Variants in PDILT observed in about 807,000 individuals in gnomAD.
PDILT encodes the protein protein disulfide isomerase like, testis expressed, also known as protein disulfide-isomerase-like protein of the testis.
A neutral mutation model predicts 53.7 loss-of-function variants in PDILT; 43 were observed. The ratio of observed to expected loss-of-function variants is 0.80; its 90% CI spans 0.63 to 1.03. The LOEUF (loss-of-function observed/expected upper bound fraction) is 1.03. Among genes scored for constraint, PDILT ranks in the 50% least tolerant of loss-of-function variants. The pLI, the probability that PDILT is intolerant of heterozygous loss-of-function variation, is 0.00. For missense variants in PDILT, 727 were observed against 712.3 expected (o/e 1.02, Z -0.24); for synonymous variants, 282 against 274.2 (o/e 1.03, Z -0.28).
At chr16:20,373,849 T>G (rs113615015) in intron 5 of PDILT, among the ~76,000 whole-genome samples, 2 of 152,272 alleles carry the variant, frequency 1.3e-5, no homozygotes, top group African/African-American at 4.8e-5. Context: ...GAGCCTACTC[T>G]GGCTTGGGAG....
intron 3 of PDILT, among the ~76,000 whole-genome samples, chr16:20,377,360 A>G (rs146536058): frequency 1.3e-4 from 20 of 152,248 alleles, no homozygotes; most frequent in South Asian, 6.2e-4. Flanking sequence ...TCATTTACGC[A>G]CTCATTTATT....
intron 3 of PDILT, among the ~76,000 whole-genome samples, chr16:20,380,085 A>C (rs1216398718): frequency 6.6e-6 from 1 of 152,324 alleles, no homozygotes; most frequent in South Asian, 2.1e-4. Context: ...TTTAAATTTC[A>C]GGTCATCAGA....
chr16:20,360,805 A>G (rs2141696716), intron 10 of PDILT, 148 bp from the exon 11 acceptor site: 2 of 632,204 alleles, frequency 3.2e-6, no homozygotes, highest in East Asian at 5.2e-5. Flanking sequence ...CTCCAGTGCC[A>G]TGGTTCCAAG....
At chr16:20,383,229 C>T (rs563975613) in intron 3 of PDILT, among the ~76,000 whole-genome samples, 6 of 152,280 alleles carry the variant, frequency 3.9e-5, no homozygotes, top group African/African-American at 1.4e-4. Flanking sequence ...CTCTCCTGCC[C>T]TTCAGGAGGG....
intron 2 of PDILT, among the ~76,000 whole-genome samples, chr16:20,394,493 T>A (rs1966639893): frequency 6.6e-6 from 1 of 152,228 alleles, no homozygotes; most frequent in Non-Finnish European, 1.5e-5. Flanking sequence ...CTCTTACAGA[T>A]AAGCACGGCT....
At chr16:20,388,990 G>A (rs1288030993) in intron 2 of PDILT, 1 of 152,072 alleles carries the variant, frequency 6.6e-6, no homozygotes, top group African/African-American at 2.4e-5. Flanking sequence ...GGTGTGAAAT[G>A]AATGCATACA....
At chr16:20,387,828 C>T (rs1966560079) in intron 2 of PDILT, among the ~76,000 whole-genome samples, 2 of 152,130 alleles carry the variant, frequency 1.3e-5, no homozygotes, top group Non-Finnish European at 2.9e-5. Context: ...ACCATGCTGG[C>T]CAGGCTGGTC....
intron 9 of PDILT, among the ~76,000 whole-genome samples, chr16:20,364,708 T>C (rs8053057): frequency 0.57 from 86,079 of 151,726 alleles, 25,164 homozygotes; most frequent in Middle Eastern, 0.62. Context: ...TCAGAAACAA[T>C]GGGAAAAGGG....
Position 20,381,576 on chromosome 16 carries a change from C to A in PDILT, c.409+3069G>T, listed in dbSNP as rs146911540. Among the ~76,000 whole-genome samples the A allele has an allele frequency of 8.9e-3, 1,284 of 145,082 alleles. 8 individuals are homozygous for A. The highest frequency in any genetic ancestry group is 0.015 in the Admixed American group (206 of 13,774). ...ACTTGAACCCGGGAGGCGGAGGTTGCAGTGAGCCGAGATCGCACCACTGCA... is the reference window on the plus strand; with the variant it reads ...ACTTGAACCCGGGAGGCGGAGGTTGAAGTGAGCCGAGATCGCACCACTGCA... On this transcript the variant is annotated intron_variant, in intron 3 of 11. Transcript: ENST00000302451.
rs145948559 is a variant in PDILT at position 20,362,416 on chromosome 16, G to A, written c.1404C>T (p.Ser468=). The A allele has an allele frequency of 1.7e-5, 27 of 1,614,112 alleles. No individual in the cohort carries two copies. The African/African-American group carries it at 1.9e-4, about 11-fold the overall frequency. Residue 468 remains serine, a synonymous_variant, in exon 10 of 12, where the codon AGC becomes AGT. Coordinates refer to ENST00000302451, the MANE Select transcript of PDILT (RefSeq NM_174924.2). ...DRYPFFRLFP[S]GSQQAVLYKG... The stretch of plus-strand genomic sequence containing the variant: ...AAGAGCCCCTCACTTGTTGAGAGCC[G>A]CTGGGGAACAGCCTGAAGAATGGGT...
At chr16:20,393,485 T>C (rs1310045461) in intron 2 of PDILT, among the ~76,000 whole-genome samples, 3 of 152,200 alleles carry the variant, frequency 2.0e-5, no homozygotes. Flanking sequence ...TGGACATTCC[T>C]TGTGGGAACT....
At chr16:20,403,571 T>G (rs1387864990) in intron 1 of PDILT, among the ~76,000 whole-genome samples, 1 of 152,140 alleles carries the variant, frequency 6.6e-6, no homozygotes, top group East Asian at 1.9e-4. Context: ...ATTGCAGGCG[T>G]GAGCCACCGT....
chr16:20,397,943 C>T (rs1336042212), intron 2 of PDILT, among the ~76,000 whole-genome samples: 2 of 152,080 alleles, frequency 1.3e-5, no homozygotes, highest in African/African-American at 4.8e-5. Context: ...TTCACACCTG[C>T]GGTCTAATTC....
intron 7 of PDILT, among the ~76,000 whole-genome samples, chr16:20,370,720 C>A (rs145977168): frequency 0.012 from 1,774 of 152,118 alleles, 19 homozygotes; most frequent in Middle Eastern, 0.034. Context: ...GATAGGAGGT[C>A]GGCACAAGAT....
At chr16:20,362,970 G>T (rs1482586678) in intron 9 of PDILT, among the ~76,000 whole-genome samples, 2 of 150,008 alleles carry the variant, frequency 1.3e-5, no homozygotes, top group African/African-American at 4.9e-5. Context: ...TACTCGGTAG[G>T]CTGAGGTAGG....
At chr16:20,396,022 G>T (rs568124663) in intron 2 of PDILT, among the ~76,000 whole-genome samples, 1 of 152,224 alleles carries the variant, frequency 6.6e-6, no homozygotes, top group African/African-American at 2.4e-5. Context: ...ACCATTAGCA[G>T]ATTCTTAATT....
intron 2 of PDILT, among the ~76,000 whole-genome samples, chr16:20,396,249 T>A (rs529335137): frequency 1.1e-3 from 162 of 152,310 alleles, no homozygotes; most frequent in South Asian, 5.0e-3. Context: ...CAAGGCCACA[T>A]ATCCAGTTTA....
chr16:20,390,416 C>T (rs1246319594), intron 2 of PDILT, among the ~76,000 whole-genome samples: 2 of 152,160 alleles, frequency 1.3e-5, no homozygotes, highest in African/African-American at 4.8e-5. Flanking sequence ...CACTGCCTCA[C>T]CACCTTAAGA....
intron 3 of PDILT, among the ~76,000 whole-genome samples, chr16:20,379,786 C>T (rs1966437235): frequency 1.3e-5 from 2 of 152,154 alleles, no homozygotes; most frequent in South Asian, 4.1e-4. Flanking sequence ...TATGGAAATT[C>T]ATGTGAAGCT....
Sources: gnomAD v4.1 joint callset for allele counts (sites outside exome capture counted in the v4.1 genomes callset) on GRCh38, gnomAD v4.1.1 for gene constraint, MANE v1.5 for transcripts, NCBI Gene and HGNC (gene_info 2026-07-23, HGNC 2026-07-21) for gene names.